SGCD: variants seen among roughly 807,000 people sequenced by gnomAD.
SGCD encodes delta-sarcoglycan.
In SGCD, 18 loss-of-function variants were observed where a neutral mutation model predicts 36.6. The ratio of observed to expected loss-of-function variants is 0.49; its 90% confidence interval spans 0.34 to 0.73. The LOEUF is 0.73. Among genes scored for constraint, SGCD ranks in the 30% least tolerant of loss-of-function variants. The pLI, the probability that SGCD is intolerant of heterozygous loss-of-function variation, is 0.01. For synonymous variants in SGCD, 133 were observed against 130.6 expected, an observed-to-expected ratio of 1.02 and a Z score of -0.12; for missense variants, 387 against 346.7, an observed-to-expected ratio of 1.12 and a Z score of -0.92.
At chr5:156,240,198 C>T (rs1053447645) in intron 3 of SGCD, among the ~76,000 whole-genome samples, 1 of 152,138 alleles carries the variant, frequency 6.6e-6, no homozygotes, top group Non-Finnish European at 1.5e-5. Flanking sequence ...TGTCTGTATC[C>T]AGTCTGCAGG....
chr5:156,346,637 A>G (rs1768956454), intron 3 of SGCD, among the ~76,000 whole-genome samples: 1 of 152,100 alleles, frequency 6.6e-6, no homozygotes, highest in Admixed American at 6.5e-5. Flanking sequence ...GAAAATCTAT[A>G]TTGCAGTAGT....
chr5:156,170,103 C>T (rs530623631), intron 3 of SGCD, among the ~76,000 whole-genome samples: 4 of 152,086 alleles, frequency 2.6e-5, no homozygotes, highest in Non-Finnish European at 5.9e-5. Context: ...CACCAGCAAG[C>T]GCTGAAGGGA....
intron 4 of SGCD, among the ~76,000 whole-genome samples, chr5:156,554,799 C>T (rs1758951546): frequency 6.6e-6 from 1 of 152,010 alleles, no homozygotes; most frequent in Non-Finnish European, 1.5e-5. Context: ...GTTTAACTTA[C>T]TGAGGGAAGC....
At chr5:156,369,228 T>C (rs1355300379) in intron 3 of SGCD, among the ~76,000 whole-genome samples, 1 of 152,232 alleles carries the variant, frequency 6.6e-6, no homozygotes, top group Non-Finnish European at 1.5e-5. Context: ...GTGAACATAG[T>C]TGATACTCCA....
intron 6 of SGCD, among the ~76,000 whole-genome samples, chr5:156,629,029 ATGTT>A (rs1762533470): frequency 6.6e-6 from 1 of 152,250 alleles, no homozygotes; most frequent in South Asian, 2.1e-4. Context: ...AAGTGTAACT[ATGTT>A]TATCATTTAA....
At position 156,632,781 on chromosome 5, in the gene SGCD, GT is replaced by G. The variant is rs568964350; in HGVS notation, c.503-14681del. On this transcript the variant is annotated intron_variant, in intron 6 of 8. Coordinates refer to ENST00000337851, the MANE Select transcript of SGCD (RefSeq NM_000337.6). ...TTTCCCTTCAAAGAGGCCAAGCTCGGTTAAAGCTACTATGGCACGTGTACCT... is the reference window on the plus strand; with the variant it reads ...TTTCCCTTCAAAGAGGCCAAGCTCGGTAAAGCTACTATGGCACGTGTACCT... Among the ~76,000 whole-genome samples the G allele has an allele frequency of 1.9e-3, 287 of 152,278 alleles. 1 individual carries two copies. Among genetic ancestry groups the G allele is most frequent in the Non-Finnish European group, 3.2e-3 (216 of 68,024 alleles).
rs535136184 is a variant in SGCD at position 156,095,222 on chromosome 5, C to T, written c.-281-22656C>T. ...TTTGCAATCCCAAGAGGTATGCCTA[C>T]GCAAATCTCACCACATAGCCTATGC... On this transcript the variant is annotated intron_variant, in intron 1 of 9. Coordinates refer to the SGCD transcript ENST00000517913. 6.6e-5 allele frequency among the ~76,000 whole-genome samples: 10 copies of T among 152,182 alleles called. No homozygotes were observed. In the South Asian group the frequency reaches 8.3e-4, roughly 13 times the overall value.
At chr5:156,271,315 T>A (rs1401793040) in intron 3 of SGCD, among the ~76,000 whole-genome samples, 1 of 152,102 alleles carries the variant, frequency 6.6e-6, no homozygotes, top group Non-Finnish European at 1.5e-5. Context: ...TTGTTGCCTT[T>A]CTATCTGGAG....
intron 1 of SGCD, among the ~76,000 whole-genome samples, chr5:156,099,655 T>C (rs1164924839): frequency 6.6e-6 from 1 of 152,136 alleles, no homozygotes; most frequent in African/African-American, 2.4e-5. Context: ...CCTCAAATGA[T>C]CCACCTGCCC....
At chr5:156,423,121 ATTAATTAATTAATAATTAATAT>A (rs1485358323) in intron 3 of SGCD, among the ~76,000 whole-genome samples, 1 of 133,882 alleles carries the variant, frequency 7.5e-6, no homozygotes, top group Admixed American at 8.7e-5. Flanking sequence ...AAAAGGAAAT[ATTAATTAATTAATAATTAATAT>A]TTAATTAATT....
chr5:155,796,917 G>A, the SGCD span, among the ~76,000 whole-genome samples: 4 of 148,966 alleles, frequency 2.7e-5, no homozygotes, highest in African/African-American at 5.0e-5. Flanking sequence ...ATGAAAATAC[G>A]AGGTAAAATT....
the SGCD span, among the ~76,000 whole-genome samples, chr5:155,753,502 T>A: frequency 6.6e-6 from 1 of 152,156 alleles, no homozygotes; most frequent in Non-Finnish European, 1.5e-5. Flanking sequence ...GAAGCCCATG[T>A]TTTGGAGTAA....
At chr5:156,530,145 C>T (rs147344340) in intron 4 of SGCD, among the ~76,000 whole-genome samples, 30 of 152,282 alleles carry the variant, frequency 2.0e-4, no homozygotes, top group African/African-American at 4.3e-4. Flanking sequence ...CATTTTGCAA[C>T]ATCAGAGTCC....
chr5:156,444,089 TCTCTCTCTCTCTCTCTCTCTCTCTC>T (rs1753632879), intron 3 of SGCD, among the ~76,000 whole-genome samples: 3 of 115,360 alleles, frequency 2.6e-5, no homozygotes, highest in African/African-American at 1.2e-4. Flanking sequence ...TCTCTCTCTC[TCTCTCTCTCTCTCTCTCTCTCTCTC>T]TCCCCTTCCC....
chr5:155,907,123 G>A (rs1174434387), intron 1 of SGCD, among the ~76,000 whole-genome samples: 1 of 148,876 alleles, frequency 6.7e-6, no homozygotes, highest in Admixed American at 7.0e-5. Context: ...CTGTGCTCTA[G>A]AAATGGAACA....
rs558056165 is a variant in SGCD at position 156,407,464 on chromosome 5, G to A, written c.192+62787G>A. 1.4e-3 allele frequency among the ~76,000 whole-genome samples: 214 copies of A among 152,264 alleles called. 1 individual carries two copies. The highest frequency in any genetic ancestry group is 5.0e-3 in the African/African-American group (207 of 41,546). ...GCCTGTGAGCCTAAGCGGGGGAGGG[G>A]ATCATCGTCTCTTCATCTGAACACA... On this transcript the variant is annotated intron_variant, in intron 3 of 8. Coordinates refer to ENST00000337851, the MANE Select transcript of SGCD (RefSeq NM_000337.6).
At chr5:156,526,245 A>T (rs1757635623) in intron 4 of SGCD, among the ~76,000 whole-genome samples, 2 of 151,862 alleles carry the variant, frequency 1.3e-5, no homozygotes, top group Admixed American at 1.3e-4. Context: ...TTGGATTCTG[A>T]GTGCTGTTTA....
intron 3 of SGCD, among the ~76,000 whole-genome samples, chr5:156,400,785 A>C (rs1772105644): frequency 6.6e-6 from 1 of 152,212 alleles, no homozygotes; most frequent in African/African-American, 2.4e-5. Flanking sequence ...GTTATTCATA[A>C]GTTTGCTAAA....
chr5:156,596,896 C>T (rs2113396628), intron 6 of SGCD, among the ~76,000 whole-genome samples: 1 of 152,210 alleles, frequency 6.6e-6, no homozygotes, highest in African/African-American at 2.4e-5. Context: ...TGTATTTGCC[C>T]CTGACTTCCT....
Sources: allele counts gnomAD v4.1 joint callset (sites outside exome capture counted in the v4.1 genomes callset), GRCh38; gene constraint gnomAD v4.1.1; transcripts MANE v1.5; gene names NCBI Gene and HGNC (gene_info 2026-07-23, HGNC 2026-07-21).